Variants in DUX4 observed in about 807,000 individuals in gnomAD.
DUX4 encodes double homeobox protein 4.
downstream of DUX4, among the ~76,000 whole-genome samples, chr4:190,178,672 T>TCAGTGCAGAGATATGTCA (rs1742441552): frequency 6.6e-6 from 1 of 152,354 alleles, no homozygotes; most frequent in Non-Finnish European, 1.5e-5. Context: ...ACCTAAGTGA[T>TCAGTGCAGAGATATGTCA]CAGTGCAGAG....
intron 1 of DUX4, chr4:190,182,063 G>C (rs1365991699): frequency 8.9e-6 from 1 of 112,076 alleles, no homozygotes; most frequent in Non-Finnish European, 2.1e-5. Flanking sequence ...GCCTAGACAA[G>C]AGTTCCATCA....
downstream of DUX4, among the ~76,000 whole-genome samples, chr4:190,177,815 C>T (rs1579833362): frequency 8.4e-4 from 127 of 150,504 alleles, no homozygotes; most frequent in Middle Eastern, 3.5e-3. Context: ...CCCCTTTTGG[C>T]AGAGCCTAGA....
chr4:190,178,416 GA>G (rs1742423543), downstream of DUX4, among the ~76,000 whole-genome samples: 2 of 143,874 alleles, frequency 1.4e-5, no homozygotes, highest in Non-Finnish European at 1.5e-5. Context: ...AGGGATATGT[GA>G]AAACGCCCCT....
At chr4:190,176,779 C>A (rs1742321268), downstream of DUX4, among the ~76,000 whole-genome samples, 2 of 126,676 alleles carry the variant, frequency 1.6e-5, no homozygotes, top group East Asian at 2.5e-4. Context: ...GTACCAGTGT[C>A]CCCTGTAGGC....
At chr4:190,178,144 ACGCCCTC>A (rs1742406296), downstream of DUX4, among the ~76,000 whole-genome samples, 1 of 152,102 alleles carries the variant, frequency 6.6e-6, no homozygotes, top group Admixed American at 6.5e-5. Flanking sequence ...TGATGTCACA[ACGCCCTC>A]TGTAGGCAGA....
chr4:190,181,628 AG>A (rs1742586809), intron 1 of DUX4, among the ~76,000 whole-genome samples: 2 of 5,348 alleles, frequency 3.7e-4, no homozygotes, highest in Admixed American at 2.3e-3. Context: ...TATGTCAGAA[AG>A]CCCCCTGTAG....
chr4:190,177,407 CGAGTCTAG>C (rs1742365565), downstream of DUX4, among the ~76,000 whole-genome samples: 1 of 14,036 alleles, frequency 7.1e-5, no homozygotes, highest in Admixed American at 8.3e-4. Context: ...CCCTGTAGGT[CGAGTCTAG>C]ACAAGAGTTA....
downstream of DUX4, among the ~76,000 whole-genome samples, chr4:190,179,773 A>C (rs1579835950): frequency 8.9e-5 from 5 of 56,394 alleles, no homozygotes; most frequent in African/African-American, 3.1e-4. Flanking sequence ...GTGCAGAGAT[A>C]TGTCAAAATG....
downstream of DUX4, among the ~76,000 whole-genome samples, chr4:190,179,017 CA>C (rs1742471911): frequency 1.1e-4 from 9 of 79,118 alleles, no homozygotes; most frequent in Admixed American, 1.5e-4. Context: ...ATGATTAGTG[CA>C]GAGTTATGTC....
At chr4:190,176,295 C>T (rs1391251557), downstream of DUX4, among the ~76,000 whole-genome samples, 2 of 114,314 alleles carry the variant, frequency 1.7e-5, no homozygotes, top group Non-Finnish European at 4.1e-5. Flanking sequence ...AGAGATCTGT[C>T]ACAATGCCCC....
Position 190,175,212 on chromosome 4 carries a change from C to A in DUX4, c.*164C>A, listed in dbSNP as rs1742212188. The A allele has an allele frequency of 1.4e-5, 2 of 140,196 alleles. No homozygotes were observed. Among genetic ancestry groups the A allele is most frequent in the African/African-American group, 6.2e-5 (2 of 32,270 alleles). The allele number at this position is 140,196 out of a possible 1,614,324, so 8.7% of individuals were successfully genotyped here. A position where few individuals can be genotyped will look rare whatever the true frequency, so the allele number is the denominator to read the frequency against. ...TTCTAGGTCTAGGCCCGGTGAGAGACTCCACTCCGCGGAGAACTGCCTTTC... is the reference window on the plus strand; with the variant it reads ...TTCTAGGTCTAGGCCCGGTGAGAGAATCCACTCCGCGGAGAACTGCCTTTC... On this transcript the variant is annotated 3_prime_UTR_variant, in exon 1 of 2. Transcript: ENST00000565211.
downstream of DUX4, among the ~76,000 whole-genome samples, chr4:190,178,992 AG>A (rs1742469647): frequency 7.1e-6 from 1 of 140,968 alleles, no homozygotes; most frequent in African/African-American, 2.5e-5. Flanking sequence ...CCTAGACAAA[AG>A]CCCCATCACC....
In DUX4 at chr4:190,174,109, C is replaced by G. The variant is rs1742147982; in HGVS notation, c.336C>G (p.Ala112=). 1.1e-5 allele frequency: 1 copy of G among 88,366 alleles called. No homozygotes were observed. The highest frequency in any genetic ancestry group is 6.5e-5 in the East Asian group (1 of 15,282). The allele number at this position is 88,366 out of a possible 1,614,324, so 5.5% of individuals were successfully genotyped here. The change falls in exon 1 of 2, where the codon GCC becomes GCG. Residue 112 remains alanine, a synonymous_variant. Coordinates refer to ENST00000565211, the MANE Select transcript of DUX4 (RefSeq NM_001306068.3). The part of the protein sequence containing the change: ...TGSQTALLLR[A]FEKDRFPGIA... ...CCCAGACCGCCCTGCTCCTCCGAGC[C>G]TTTGAGAAGGATCGCTTTCCAGGCA...
At chr4:190,178,275 T>A (rs1742414750), downstream of DUX4, among the ~76,000 whole-genome samples, 188 of 130,666 alleles carry the variant, frequency 1.4e-3, no homozygotes, top group Non-Finnish European at 1.8e-3. Context: ...TGTAGAGATA[T>A]GTCACAATGT....
At chr4:190,179,987 GCC>G (rs1742522728), downstream of DUX4, among the ~76,000 whole-genome samples, 4 of 151,640 alleles carry the variant, frequency 2.6e-5, no homozygotes, top group African/African-American at 4.8e-5. Context: ...CTGTCACAAT[GCC>G]CCTTTAGGCA....
chr4:190,179,066 ATT>A (rs1742476265), downstream of DUX4, among the ~76,000 whole-genome samples: 1 of 2,964 alleles, frequency 3.4e-4, no homozygotes, highest in Non-Finnish European at 5.4e-4. Flanking sequence ...AAAGAGTCCC[ATT>A]ACTTGGGTGA....
At chr4:190,179,547 A>T (rs1294827222), downstream of DUX4, among the ~76,000 whole-genome samples, 2 of 20,144 alleles carry the variant, frequency 9.9e-5, no homozygotes, top group Non-Finnish European at 2.2e-4. Flanking sequence ...GAGTTATATC[A>T]CCTGGGTGAT....
At chr4:190,179,013 A>ACAGGGTTATGTCACAAAGTTAATTTAG (rs1742471483), downstream of DUX4, among the ~76,000 whole-genome samples, 2 of 145,554 alleles carry the variant, frequency 1.4e-5, no homozygotes, top group Non-Finnish European at 1.5e-5. Context: ...CTGGATGATT[A>ACAGGGTTATGTCACAAAGTTAATTTAG]GTGCAGAGTT....
chr4:190,177,526 C>CACAATCCCCTTTAGGCGCAGCTTAG (rs1742372367), downstream of DUX4, among the ~76,000 whole-genome samples: 1 of 142,588 alleles, frequency 7.0e-6, no homozygotes, highest in Non-Finnish European at 1.5e-5. Flanking sequence ...AGATATGTGT[C>CACAATCCCCTTTAGGCGCAGCTTAG]ACAATTCCCC....
Sources: allele counts gnomAD v4.1 joint callset (sites outside exome capture counted in the v4.1 genomes callset), GRCh38; gene constraint gnomAD v4.1.1; transcripts MANE v1.5; gene names NCBI Gene and HGNC (gene_info 2026-07-23, HGNC 2026-07-21).